MTUS2: variants seen among roughly 807,000 people sequenced by gnomAD.
MTUS2 encodes microtubule-associated tumor suppressor candidate 2.
In MTUS2, 40 loss-of-function variants were observed where a neutral mutation model predicts 114.1. The observed-to-expected ratio is 0.35, with a 90% CI of 0.27 to 0.46. MTUS2 has a LOEUF of 0.46. MTUS2 is among the 20% of genes least tolerant of loss of function. MTUS2 has a pLI of 1.00. For missense variants in MTUS2, 1,679 were observed against 1,705.4 expected, an observed-to-expected ratio of 0.98 and a Z score of 0.27; for synonymous variants, 688 against 672.0, an observed-to-expected ratio of 1.02 and a Z score of -0.37.
rs1243516618 is a variant in MTUS2, at chr13:29,317,718, G to T, written c.2807-6895G>T. ...CTCCCAAAGTGCTGGGATTACAGGC[G>T]TGAGCCACCGCGCCCGGCCTCTCTC... On this transcript the variant is annotated intron_variant, in intron 6 of 15. Coordinates refer to ENST00000612955, the MANE Select transcript of MTUS2 (RefSeq NM_001033602.4). Among the ~76,000 whole-genome samples the T allele has an allele frequency of 8.8e-5, 13 of 147,552 alleles. 4 individuals carry two copies. The highest frequency in any genetic ancestry group is 3.2e-4 in the African/African-American group (13 of 40,444).
intron 5 of MTUS2, among the ~76,000 whole-genome samples, chr13:29,141,981 T>C (rs1358467415): frequency 6.6e-6 from 1 of 151,486 alleles, no homozygotes; most frequent in Non-Finnish European, 1.5e-5. Flanking sequence ...TGCCTCAGCC[T>C]CCCGAGTAGC....
chr13:29,099,450 A>G (rs1021119331), intron 4 of MTUS2, among the ~76,000 whole-genome samples: 3 of 152,154 alleles, frequency 2.0e-5, no homozygotes, highest in Admixed American at 6.6e-5. Flanking sequence ...AGCTGCTGGC[A>G]GAGGAAGAGG....
intron 5 of MTUS2, among the ~76,000 whole-genome samples, chr13:29,163,706 A>G (rs1409484854): frequency 6.6e-6 from 1 of 152,164 alleles, no homozygotes; most frequent in Non-Finnish European, 1.5e-5. Flanking sequence ...GGCTGATTCC[A>G]AGGTGGTCCA....
chr13:28,850,352 T>A (rs74954494), intron 2 of MTUS2, among the ~76,000 whole-genome samples: 6,491 of 152,188 alleles, frequency 0.043, 415 homozygotes, highest in African/African-American at 0.13. Flanking sequence ...ACATGGAAAG[T>A]GTGTGTGTCT....
At chr13:29,172,397 T>G (rs1488517545) in intron 5 of MTUS2, among the ~76,000 whole-genome samples, 1 of 152,194 alleles carries the variant, frequency 6.6e-6, no homozygotes, top group East Asian at 1.9e-4. Context: ...TGACTCTTGT[T>G]CAAGTGAGTG....
chr13:29,125,904 C>A (rs925498251), intron 5 of MTUS2, among the ~76,000 whole-genome samples: 1 of 152,188 alleles, frequency 6.6e-6, no homozygotes, highest in African/African-American at 2.4e-5. Context: ...CTGTGATCCA[C>A]AGAAATAAAG....
At chr13:29,214,816 G>A (rs535509228) in intron 5 of MTUS2, among the ~76,000 whole-genome samples, 1 of 152,158 alleles carries the variant, frequency 6.6e-6, no homozygotes, top group Non-Finnish European at 1.5e-5. Flanking sequence ...TTCAACCTTG[G>A]TGAATCTGAT....
chr13:28,913,097 C>G (rs762391994), intron 2 of MTUS2, among the ~76,000 whole-genome samples: 8 of 152,012 alleles, frequency 5.3e-5, no homozygotes, highest in Admixed American at 1.3e-4. Flanking sequence ...GTTTGAATAC[C>G]CTTTATTTCT....
intron 7 of MTUS2, among the ~76,000 whole-genome samples, 182 bp from the exon 8 acceptor site, chr13:29,359,080 A>T (rs1026410763): frequency 6.6e-6 from 1 of 152,220 alleles, no homozygotes; most frequent in Non-Finnish European, 1.5e-5. Flanking sequence ...CTTAACAACC[A>T]CATTAATGGA....
intron 2 of MTUS2, among the ~76,000 whole-genome samples, chr13:28,908,372 A>G (rs1178655138): frequency 2.0e-5 from 3 of 151,364 alleles, no homozygotes; most frequent in African/African-American, 7.3e-5. Context: ...ATTCCCACCT[A>G]TGAGTGAGAA....
chr13:29,279,159 A>G (rs563577639), intron 5 of MTUS2, among the ~76,000 whole-genome samples: 8 of 152,232 alleles, frequency 5.3e-5, no homozygotes, highest in East Asian at 1.9e-4. Context: ...GATTATCACT[A>G]TCCCCGCTTA....
At chr13:29,471,744 C>A (rs941065052) in intron 9 of MTUS2, among the ~76,000 whole-genome samples, 7 of 144,508 alleles carry the variant, frequency 4.8e-5, no homozygotes, top group East Asian at 4.0e-4. Context: ...CAGGCCCAGC[C>A]CCCCCCGACA....
chr13:29,233,215 G>A (rs1318883808), intron 5 of MTUS2, among the ~76,000 whole-genome samples: 1 of 134,356 alleles, frequency 7.4e-6, no homozygotes, highest in Non-Finnish European at 1.5e-5. Flanking sequence ...TGAGGGTTTT[G>A]GTTTTTGCAT....
At chr13:29,134,102 C>CT (rs1315720841) in intron 5 of MTUS2, among the ~76,000 whole-genome samples, 2 of 151,984 alleles carry the variant, frequency 1.3e-5, no homozygotes, top group Non-Finnish European at 2.9e-5. Context: ...TTTTTTGTCT[C>CT]TATTTATTTT....
chr13:29,087,899 A>G (rs898205132), intron 4 of MTUS2, among the ~76,000 whole-genome samples: 3 of 152,078 alleles, frequency 2.0e-5, no homozygotes, highest in African/African-American at 7.2e-5. Flanking sequence ...TTTTCTAAAA[A>G]CACAAAAAAA....
At chr13:29,194,729 G>A (rs1329928692) in intron 5 of MTUS2, among the ~76,000 whole-genome samples, 1 of 151,148 alleles carries the variant, frequency 6.6e-6, no homozygotes, top group African/African-American at 2.4e-5. Context: ...ATTTGACCCA[G>A]CCATCCCATT....
intron 2 of MTUS2, among the ~76,000 whole-genome samples, chr13:28,949,557 AT>A (rs765846410): frequency 6.6e-6 from 1 of 152,234 alleles, no homozygotes; most frequent in Non-Finnish European, 1.5e-5. Context: ...TGTAACCAAT[AT>A]CTAGAACTCT....
intron 1 of MTUS2, among the ~76,000 whole-genome samples, chr13:28,824,777 C>G (rs532466863): frequency 6.6e-6 from 1 of 152,148 alleles, no homozygotes; most frequent in South Asian, 2.1e-4. Context: ...ACAAAAACTG[C>G]ATCCTTGAGG....
intron 9 of MTUS2, among the ~76,000 whole-genome samples, chr13:29,468,996 G>A (rs1417160203): frequency 6.6e-6 from 1 of 152,174 alleles, no homozygotes; most frequent in African/African-American, 2.4e-5. Context: ...GACAATAGTG[G>A]ATGTAATAGA....
Sources: allele counts gnomAD v4.1 joint callset (sites outside exome capture counted in the v4.1 genomes callset), GRCh38; gene constraint gnomAD v4.1.1; transcripts MANE v1.5; gene names NCBI Gene and HGNC (gene_info 2026-07-23, HGNC 2026-07-21).